Variants in ZNF678 observed in about 807,000 individuals in gnomAD.
ZNF678 encodes the protein hypothetical protein MGC42493.
A neutral mutation model predicts 3.0 loss-of-function variants in ZNF678; 5 were observed. The ratio of observed to expected loss-of-function variants is 1.69; its 90% confidence interval spans 0.88 to 3.56. The LOEUF (loss-of-function observed/expected upper bound fraction) is 3.56, where lower values mean the gene tolerates loss of function less well. Among genes scored for constraint, ZNF678 ranks in the 30% most tolerant of loss-of-function variants. The pLI is 0.00. For missense variants in ZNF678, 593 were observed against 605.0 expected, an observed-to-expected ratio of 0.98 and a Z score of 0.21; for synonymous variants, 218 against 199.6, an observed-to-expected ratio of 1.09 and a Z score of -0.78.
At position 227,651,085 on chromosome 1, in the gene ZNF678, T is replaced by G. The variant is rs765419682; in HGVS notation, c.85+9T>G. The stretch of plus-strand genomic sequence containing the variant: ...TAAACTGGTTTATACAGGTAAAGAT[T>G]TTATCCTATTGGGTCTCCAGGCTGA... On this transcript the variant is annotated intron_variant, in intron 3 of 3. Coordinates refer to ENST00000343776, the MANE Select transcript of ZNF678 (RefSeq NM_001367909.1). The G allele has an allele frequency of 6.2e-7, 1 of 1,612,640 alleles. No individual in the cohort carries two copies. Among genetic ancestry groups the G allele is most frequent in the East Asian group, 2.2e-5 (1 of 44,852 alleles).
chr1:227,655,678 T>A lies in ZNF678; in HGVS notation c.1428T>A (p.Leu476=), dbSNP rs755331634. ...CGKAFNQFSS[L]TRHKRIHTGE... is the part of the protein sequence containing the mutation. ...AAGCCTTTAACCAGTTCTCAAGCCT[T>A]ACTCGTCATAAAAGAATTCATACTG... The change falls in exon 4 of 4, where the codon CTT becomes CTA. Residue 476 remains leucine, a synonymous_variant. Transcript: ENST00000343776. 6.2e-7 allele frequency: 1 copy of A among 1,612,506 alleles called. No homozygotes were observed. The highest frequency in any genetic ancestry group is 8.5e-7 in the Non-Finnish European group (1 of 1,179,114).
intron 1 of ZNF678, among the ~76,000 whole-genome samples, chr1:227,592,887 A>G (rs1657452443): frequency 6.6e-6 from 1 of 152,244 alleles, no homozygotes. Context: ...AAGGTCCACC[A>G]CAGTACCACC....
chr1:227,589,688 C>T (rs908022176), intron 1 of ZNF678, among the ~76,000 whole-genome samples: 3 of 151,590 alleles, frequency 2.0e-5, no homozygotes, highest in African/African-American at 7.3e-5. Context: ...GTAATCAGAA[C>T]GAAACATAAC....
At chr1:227,571,603 A>G (rs1656842789) in intron 1 of ZNF678, among the ~76,000 whole-genome samples, 1 of 152,260 alleles carries the variant, frequency 6.6e-6, no homozygotes, top group Admixed American at 6.5e-5. Context: ...AAGCAAACTA[A>G]TGTTACATGA....
chr1:227,619,354 C>T (rs1209259815), intron 1 of ZNF678, among the ~76,000 whole-genome samples: 1 of 152,024 alleles, frequency 6.6e-6, no homozygotes, highest in African/African-American at 2.4e-5. Context: ...TATGGGAGCC[C>T]CTGATTTATA....
chr1:227,615,253 T>C (rs1044761139), intron 1 of ZNF678, among the ~76,000 whole-genome samples: 2 of 152,236 alleles, frequency 1.3e-5, no homozygotes, highest in African/African-American at 4.8e-5. Context: ...ACTCAGGATG[T>C]AGTTCCTCAC....
At chr1:227,604,411 G>A (rs1317463085) in intron 1 of ZNF678, among the ~76,000 whole-genome samples, 2 of 151,974 alleles carry the variant, frequency 1.3e-5, no homozygotes, top group Non-Finnish European at 2.9e-5. Flanking sequence ...TTTGAGACAG[G>A]GCTTCACTTG....
chr1:227,577,890 T>C (rs771246417), intron 1 of ZNF678, among the ~76,000 whole-genome samples: 17 of 152,198 alleles, frequency 1.1e-4, no homozygotes, highest in Non-Finnish European at 1.9e-4. Flanking sequence ...TTTCTCTCCA[T>C]ATTAAGTGCT....
At chr1:227,597,012 T>C (rs1420433025) in intron 1 of ZNF678, among the ~76,000 whole-genome samples, 1 of 152,224 alleles carries the variant, frequency 6.6e-6, no homozygotes, top group Non-Finnish European at 1.5e-5. Flanking sequence ...AAACATCTAC[T>C]GTATTTAGAC....
At chr1:227,595,327 A>G (rs1657536115) in intron 1 of ZNF678, among the ~76,000 whole-genome samples, 1 of 151,678 alleles carries the variant, frequency 6.6e-6, no homozygotes, top group South Asian at 2.1e-4. Context: ...ACCACTGTGG[A>G]GAGATCTAAA....
intron 1 of ZNF678, among the ~76,000 whole-genome samples, chr1:227,569,280 A>G (rs1268594625): frequency 3.3e-5 from 5 of 152,194 alleles, no homozygotes; most frequent in African/African-American, 1.2e-4. Context: ...GTGAACCCCC[A>G]TGCCTGATCG....
chr1:227,571,749 A>G (rs1656848128), intron 1 of ZNF678, among the ~76,000 whole-genome samples: 1 of 152,226 alleles, frequency 6.6e-6, no homozygotes, highest in African/African-American at 2.4e-5. Context: ...CTATCAGGCT[A>G]AAGAAACAAA....
downstream of ZNF678, among the ~76,000 whole-genome samples, chr1:227,667,411 T>G (rs1659522000): frequency 6.6e-6 from 1 of 152,144 alleles, no homozygotes; most frequent in South Asian, 2.1e-4. Context: ...TAATAGCTAC[T>G]GGGCCTTGCT....
intron 1 of ZNF678, among the ~76,000 whole-genome samples, chr1:227,574,577 G>A (rs12564917): frequency 0.017 from 2,544 of 152,064 alleles, 60 homozygotes; most frequent in South Asian, 0.057. Flanking sequence ...TGCCAGGTGC[G>A]TAGTTTGCAA....
chr1:227,660,721 T>C lies in ZNF678; in HGVS notation c.*4893T>C, dbSNP rs1414871040. 6.6e-6 allele frequency: 1 copy of C among 152,194 alleles called. No individual in the cohort carries two copies. The highest frequency in any genetic ancestry group is 1.9e-4 in the East Asian group (1 of 5,200). 9.4% of individuals were successfully genotyped at this position (152,194 alleles called of 1,614,324 possible). A position where few individuals can be genotyped will look rare whatever the true frequency, so the allele number is the denominator to read the frequency against. On this transcript the variant is annotated 3_prime_UTR_variant, in exon 4 of 4. Transcript: ENST00000343776. ...GTTTTGTTTTCTAATTTCTCTGGCCTGGAAATTCAGTAGCATGTTAAATAA... is the reference window on the plus strand; with the variant it reads ...GTTTTGTTTTCTAATTTCTCTGGCCCGGAAATTCAGTAGCATGTTAAATAA...
At position 227,656,747 on chromosome 1, in the gene ZNF678, AG is replaced by A. The variant is rs1163316945; in HGVS notation, c.*920del. 1.3e-5 allele frequency: 2 copies of A among 152,034 alleles called. No homozygotes were observed. Among genetic ancestry groups the A allele is most frequent in the Admixed American group, 1.3e-4 (2 of 15,240 alleles). The allele number at this position is 152,034 out of a possible 1,614,324, so 9.4% of individuals were successfully genotyped here. On this transcript the variant is annotated 3_prime_UTR_variant, in exon 4 of 4. Transcript: ENST00000343776. ...AATTTCAGTAGTAAATTGTTTTATG[AG>A]TTGCACATTAAGATAATACAGTAGC...
intron 1 of ZNF678, among the ~76,000 whole-genome samples, chr1:227,585,293 C>T (rs1166349566): frequency 6.6e-6 from 1 of 152,046 alleles, no homozygotes; most frequent in African/African-American, 2.4e-5. Context: ...CCAAAGGTAG[C>T]ATAGCTGAAA....
rs1235610961 is a variant in ZNF678, at chr1:227,563,653, G to C, written c.-235G>C. On this transcript the variant is annotated 5_prime_UTR_variant, in exon 1 of 4. Transcript: ENST00000343776. ...GGTGACTCTGCTGCTGCAGTGTCTG[G>C]TTTCCCTGTGACCTGCAGGTACTGG... is the stretch of plus-strand genomic sequence containing the variant. 1 of 1,318,002 alleles carries C rather than the reference G, an allele frequency of 7.6e-7. No individual in the cohort carries two copies. The highest frequency in any genetic ancestry group is 5.1e-5 in the East Asian group (1 of 19,422). The allele number at this position is 1,318,002 out of a possible 1,614,324, so 81.6% of individuals were successfully genotyped here. A position where few individuals can be genotyped will look rare whatever the true frequency, so the allele number is the denominator to read the frequency against.
chr1:227,588,506 C>CTTTTTTTTTT lies in ZNF678; in HGVS notation c.-164+24784_-164+24793dup, dbSNP rs747086047. ...TCACCAGCATCTGTTGTTTTTTTTACTTTTTTTTTTTGGAAACACAGTCTC... is the reference window on the plus strand; with the variant it reads ...TCACCAGCATCTGTTGTTTTTTTTACTTTTTTTTTTTTTTTTTTTTTGGAAACACAGTCTC... On this transcript the variant is annotated intron_variant, in intron 1 of 3. Transcript: ENST00000343776. Among the ~76,000 whole-genome samples the CTTTTTTTTTT allele has an allele frequency of 7.1e-4, 97 of 135,890 alleles. 6 individuals carry two copies. Among genetic ancestry groups the CTTTTTTTTTT allele is most frequent in the Middle Eastern group, 4.0e-3 (1 of 252 alleles). The allele number at this position is 135,890 out of a possible 152,430, so 89.1% of individuals were successfully genotyped here. A position where few individuals can be genotyped will look rare whatever the true frequency, so the allele number is the denominator to read the frequency against.
Sources: allele counts gnomAD v4.1 joint callset (sites outside exome capture counted in the v4.1 genomes callset), GRCh38; gene constraint gnomAD v4.1.1; transcripts MANE v1.5; gene names NCBI Gene and HGNC (gene_info 2026-07-23, HGNC 2026-07-21).